The following HPSE2 variants were observed in gnomAD, a reference collection of about 807,000 sequenced individuals.
The protein encoded by HPSE2 is inactive heparanase-2.
In HPSE2, 38 loss-of-function variants were observed where a neutral mutation model predicts 60.5. The observed-to-expected ratio is 0.63, with a 90% CI of 0.48 to 0.82. HPSE2 has a LOEUF of 0.82. Ranked by LOEUF, HPSE2 falls within the 40% of genes least tolerant of loss-of-function variation. The pLI, the probability that HPSE2 is intolerant of heterozygous loss-of-function variation, is 0.00. For missense variants in HPSE2, 713 were observed against 740.4 expected, an observed-to-expected ratio of 0.96 and a Z score of 0.43; for synonymous variants, 295 against 293.2, an observed-to-expected ratio of 1.01 and a Z score of -0.06.
chr10:99,023,265 T>C (rs1332004592), intron 3 of HPSE2, among the ~76,000 whole-genome samples: 1 of 152,008 alleles, frequency 6.6e-6, no homozygotes, highest in African/African-American at 2.4e-5. Context: ...CCTCTGTCTT[T>C]GGAAATGGGA....
At chr10:99,282,408 A>G in the HPSE2 span, among the ~76,000 whole-genome samples, 1 of 152,236 alleles carries the variant, frequency 6.6e-6, no homozygotes, top group East Asian at 1.9e-4. Context: ...GGCAAAATAT[A>G]TAGTTCTATA....
chr10:98,925,942 T>C (rs758843608), intron 3 of HPSE2, among the ~76,000 whole-genome samples: 42 of 152,138 alleles, frequency 2.8e-4, no homozygotes, highest in Non-Finnish European at 2.4e-4. Flanking sequence ...CTTGGGTTCT[T>C]GGCTGACTTC....
intron 11 of HPSE2, among the ~76,000 whole-genome samples, chr10:98,467,818 T>C (rs61874866): frequency 0.091 from 13,907 of 152,320 alleles, 787 homozygotes; most frequent in Non-Finnish European, 0.13. Flanking sequence ...GCGGTCCCGT[T>C]GGCAAGGGTC....
At chr10:99,102,369 C>A (rs575716313) in intron 3 of HPSE2, among the ~76,000 whole-genome samples, 1 of 152,086 alleles carries the variant, frequency 6.6e-6, no homozygotes, top group African/African-American at 2.4e-5. Flanking sequence ...CGGAAATAAA[C>A]GAGAAAATCT....
At chr10:98,931,918 G>C (rs904212075) in intron 3 of HPSE2, among the ~76,000 whole-genome samples, 3 of 143,884 alleles carry the variant, frequency 2.1e-5, no homozygotes. Flanking sequence ...GGCAAACAAA[G>C]ACAATTTGAC....
intron 2 of HPSE2, 25 bp downstream of exon 2, chr10:99,232,323 A>G (rs1849681338): frequency 1.3e-6 from 2 of 1,551,368 alleles, no homozygotes; most frequent in African/African-American, 1.4e-5. Context: ...CTCCCCAAAT[A>G]AAGAATGGTA....
intron 3 of HPSE2, among the ~76,000 whole-genome samples, chr10:98,968,328 C>T (rs1251114396): frequency 6.6e-6 from 1 of 151,954 alleles, no homozygotes; most frequent in Non-Finnish European, 1.5e-5. Flanking sequence ...CAAGAATGGC[C>T]ATAATTTAAA....
chr10:98,809,141 AG>A, intron 3 of HPSE2, among the ~76,000 whole-genome samples: 1 of 152,244 alleles, frequency 6.6e-6, no homozygotes, highest in South Asian at 2.1e-4. Context: ...AAATATACAA[AG>A]GTTCATTTGC....
chr10:98,857,849 T>C (rs188308912), intron 3 of HPSE2, among the ~76,000 whole-genome samples: 7 of 152,316 alleles, frequency 4.6e-5, no homozygotes, highest in Admixed American at 3.3e-4. Flanking sequence ...TTTTCTAGAT[T>C]ATAAAATGTC....
At chr10:99,033,338 A>G (rs1957539981) in intron 3 of HPSE2, among the ~76,000 whole-genome samples, 1 of 152,194 alleles carries the variant, frequency 6.6e-6, no homozygotes, top group Non-Finnish European at 1.5e-5. Context: ...TATGATTTCT[A>G]AGTTAAAATC....
chr10:98,650,372 A>C (rs936875638), intron 6 of HPSE2, among the ~76,000 whole-genome samples: 6 of 152,210 alleles, frequency 3.9e-5, no homozygotes, highest in Non-Finnish European at 5.9e-5. Context: ...TGTTAAAACA[A>C]TTTGTGTTAT....
the HPSE2 span, among the ~76,000 whole-genome samples, chr10:99,274,357 A>T: frequency 6.6e-6 from 1 of 152,196 alleles, no homozygotes; most frequent in African/African-American, 2.4e-5. Context: ...AAACAGTGTA[A>T]GGCAAGAAGT....
chr10:99,249,661 T>C, the HPSE2 span, among the ~76,000 whole-genome samples: 2 of 152,182 alleles, frequency 1.3e-5, no homozygotes, highest in African/African-American at 4.8e-5. Flanking sequence ...GAGAAGGACA[T>C]GAAATTTGGG....
intron 7 of HPSE2, among the ~76,000 whole-genome samples, chr10:98,622,325 T>C (rs1946095243): frequency 1.3e-5 from 2 of 152,240 alleles, no homozygotes; most frequent in East Asian, 1.9e-4. Flanking sequence ...TAAGAACATA[T>C]ATCAAACACA....
At chr10:99,020,708 C>A (rs1243982011) in intron 3 of HPSE2, among the ~76,000 whole-genome samples, 3 of 152,170 alleles carry the variant, frequency 2.0e-5, no homozygotes, top group African/African-American at 7.2e-5. Flanking sequence ...GAAGAACACA[C>A]AAGACTATGC....
intron 9 of HPSE2, among the ~76,000 whole-genome samples, chr10:98,601,232 G>A (rs1294222041): frequency 6.6e-6 from 1 of 152,064 alleles, no homozygotes; most frequent in Non-Finnish European, 1.5e-5. Context: ...TTTACTCAAA[G>A]TCTATTAATT....
chr10:98,682,571 G>A (rs1947814703), intron 6 of HPSE2, among the ~76,000 whole-genome samples: 1 of 152,014 alleles, frequency 6.6e-6, no homozygotes, highest in Admixed American at 6.6e-5. Context: ...TGGCAGCTGT[G>A]GCTCACTGCC....
At chr10:98,627,453 A>G (rs1488544857) in intron 7 of HPSE2, among the ~76,000 whole-genome samples, 1 of 152,234 alleles carries the variant, frequency 6.6e-6, no homozygotes, top group Non-Finnish European at 1.5e-5. Flanking sequence ...ATAAAAAATA[A>G]AAAAGTTAAT....
chr10:98,939,732 C>A (rs1954930972), intron 3 of HPSE2, among the ~76,000 whole-genome samples: 1 of 143,860 alleles, frequency 7.0e-6, no homozygotes, highest in Non-Finnish European at 1.5e-5. Context: ...CCAAGCAGAC[C>A]TAATAGACAT....
Sources: allele counts gnomAD v4.1 joint callset (sites outside exome capture counted in the v4.1 genomes callset), GRCh38; gene constraint gnomAD v4.1.1; transcripts MANE v1.5; gene names NCBI Gene and HGNC (gene_info 2026-07-23, HGNC 2026-07-21).